The following EML5 variants were observed in gnomAD, a reference collection of about 807,000 sequenced individuals.
The protein encoded by EML5 is echinoderm microtubule-associated protein-like 5.
A neutral mutation model predicts 250.0 loss-of-function variants in EML5; 120 were observed. The ratio of observed to expected loss-of-function variants is 0.48; its 90% CI spans 0.41 to 0.56. The LOEUF is 0.56. Ranked by LOEUF, EML5 falls within the 20% of genes least tolerant of loss-of-function variation. EML5 has a pLI of 0.00. For missense variants in EML5, 2,006 were observed against 2,437.6 expected, an observed-to-expected ratio of 0.82 and a Z score of 3.73; for synonymous variants, 771 against 806.5, an observed-to-expected ratio of 0.96 and a Z score of 0.75.
intron 17 of EML5, among the ~76,000 whole-genome samples, chr14:88,692,731 A>C (rs777500376): frequency 1.1e-4 from 16 of 152,210 alleles, no homozygotes; most frequent in Non-Finnish European, 4.4e-5. Flanking sequence ...AAGCATGTGG[A>C]AACAAAATTA....
chr14:88,699,139 T>C (rs374725035), intron 14 of EML5, among the ~76,000 whole-genome samples: 3 of 152,134 alleles, frequency 2.0e-5, no homozygotes, highest in African/African-American at 7.2e-5. Context: ...AGTTCTCAGA[T>C]AGGCTTAGCC....
intron 32 of EML5, among the ~76,000 whole-genome samples, chr14:88,636,086 A>G (rs2090709114): frequency 6.6e-6 from 1 of 152,194 alleles, no homozygotes; most frequent in African/African-American, 2.4e-5. Flanking sequence ...TAGCTACTGC[A>G]TTAGAACTCC....
chr14:88,743,514 A>C (rs1370272259), intron 4 of EML5, among the ~76,000 whole-genome samples: 1 of 152,072 alleles, frequency 6.6e-6, no homozygotes, highest in Non-Finnish European at 1.5e-5. Context: ...TTGAATATAC[A>C]CTGCCGCCTT....
rs1197318654 is a variant in EML5, at chr14:88,724,236, C to G, written c.1187+2305G>C. The stretch of plus-strand genomic sequence containing the variant: ...GCTGCAGTGAGCCGAGATTGCGCCA[C>G]TGTACTCCAGCCTTGTGACAGAGCA... On this transcript the variant is annotated intron_variant, in intron 8 of 43. Transcript: ENST00000554922. Among the ~76,000 whole-genome samples, 12 of 145,558 alleles carry G rather than the reference C, an allele frequency of 8.2e-5. No individual in the cohort carries two copies. In the Admixed American group the frequency reaches 8.4e-4, roughly 10 times the overall value.
intron 8 of EML5, among the ~76,000 whole-genome samples, chr14:88,717,366 T>C (rs879515809): frequency 2.0e-5 from 3 of 152,066 alleles, no homozygotes; most frequent in Admixed American, 2.0e-4. Flanking sequence ...AATCATGAAG[T>C]GGGGGCCTCA....
intron 8 of EML5, among the ~76,000 whole-genome samples, chr14:88,716,680 GAGA>G (rs2093499278): frequency 2.6e-5 from 4 of 151,926 alleles, no homozygotes; most frequent in Admixed American, 2.0e-4. Flanking sequence ...CAATTAAGAA[GAGA>G]AGAACGTCTT....
chr14:88,720,881 C>T (rs750478520), intron 8 of EML5, among the ~76,000 whole-genome samples: 12 of 152,200 alleles, frequency 7.9e-5, no homozygotes, highest in Middle Eastern at 3.4e-3. Context: ...AAAACTCCAT[C>T]GTCTCAGCCC....
intron 7 of EML5, among the ~76,000 whole-genome samples, chr14:88,733,589 T>C (rs143362858): frequency 1.3e-5 from 2 of 152,340 alleles, no homozygotes; most frequent in South Asian, 2.1e-4. Flanking sequence ...GAAAGGATTA[T>C]GAATAGCTCC....
chr14:88,768,658 C>G (rs1432013067), intron 1 of EML5, among the ~76,000 whole-genome samples: 1 of 152,128 alleles, frequency 6.6e-6, no homozygotes, highest in Admixed American at 6.5e-5. Context: ...GTGACCCACC[C>G]GCCTGGGCCT....
chr14:88,665,482 C>A lies in EML5; in HGVS notation c.3132G>T (p.Arg1044Ser), dbSNP rs184616407. Residue 1044 changes from arginine (R) to serine (S), a missense_variant, in exon 22 of 44, where the codon AGG (arginine) becomes AGT (serine). Physicochemically the swap from Arg to Ser is moderately radical, Grantham distance 110 (BLOSUM62 -1). Coordinates refer to ENST00000554922, the MANE Select transcript of EML5 (RefSeq NM_183387.3). Reference sequence around the variant, plus strand: ...TACCATCAGGAGAAAAACAGCAACACCTCCCACCTGAAAGAGAAAGAGCAT... The same window carrying A: ...TACCATCAGGAGAAAAACAGCAACAACTCCCACCTGAAAGAGAAAGAGCAT... ...LAVRKLKKGG[R>S]CCCFSPDGKA... 2 of 1,613,710 alleles carry A rather than the reference C, an allele frequency of 1.2e-6. No individual in the cohort carries two copies. Among genetic ancestry groups the A allele is most frequent in the Non-Finnish European group, 8.5e-7 (1 of 1,179,838 alleles).
chr14:88,764,733 T>G (rs561652595), intron 1 of EML5, among the ~76,000 whole-genome samples: 2 of 152,242 alleles, frequency 1.3e-5, no homozygotes, highest in African/African-American at 2.4e-5. Flanking sequence ...CTTGAAACAC[T>G]GCTTTGGCTG....
At chr14:88,768,062 A>G (rs2094343273) in intron 1 of EML5, among the ~76,000 whole-genome samples, 1 of 152,182 alleles carries the variant, frequency 6.6e-6, no homozygotes, top group Admixed American at 6.5e-5. Flanking sequence ...CAGTTATTTT[A>G]GAAAATGTCT....
At chr14:88,711,210 T>C (rs2093400376) in intron 10 of EML5, among the ~76,000 whole-genome samples, 1 of 151,594 alleles carries the variant, frequency 6.6e-6, no homozygotes, top group Admixed American at 6.6e-5. Context: ...TCTTTTGATA[T>C]GGTTTGGCTC....
chr14:88,720,346 A>G (rs2093570877), intron 8 of EML5, among the ~76,000 whole-genome samples: 1 of 152,172 alleles, frequency 6.6e-6, no homozygotes, highest in African/African-American at 2.4e-5. Flanking sequence ...ACTTCAGGCC[A>G]GTATCCCTGA....
intron 4 of EML5, among the ~76,000 whole-genome samples, chr14:88,742,040 T>C (rs1176387706): frequency 1.3e-5 from 2 of 152,162 alleles, no homozygotes; most frequent in African/African-American, 2.4e-5. Flanking sequence ...TTCTTCTAGA[T>C]CAGTGATTCC....
At chr14:88,625,290 G>A (rs1427430183) in intron 35 of EML5, 163 bp from the exon 36 acceptor site, 20 of 722,084 alleles carry the variant, frequency 2.8e-5, no homozygotes, top group Non-Finnish European at 4.1e-5. Flanking sequence ...AAACCTGAAC[G>A]GGAGGCTTAG....
At chr14:88,773,102 C>CT (rs2094411046) in intron 1 of EML5, among the ~76,000 whole-genome samples, 1 of 152,182 alleles carries the variant, frequency 6.6e-6, no homozygotes, top group Non-Finnish European at 1.5e-5. Flanking sequence ...TTTACTTGAT[C>CT]TTTTAACAAT....
At chr14:88,790,839 CGGG>C (rs1432609628) in intron 1 of EML5, among the ~76,000 whole-genome samples, 2 of 152,114 alleles carry the variant, frequency 1.3e-5, no homozygotes, top group Non-Finnish European at 2.9e-5. Context: ...ATAATTACTA[CGGG>C]TTTACTTTAG....
At position 88,792,623 on chromosome 14, in the gene EML5, A is replaced by C. The variant is rs916817531; in HGVS notation, c.-120T>G. Reference sequence around the variant, plus strand: ...GACTTCCCGCCAGCCGCGTCCTCTAAGCCGCGCCCGTCAGGTGCATCTCGT... The same window carrying C: ...GACTTCCCGCCAGCCGCGTCCTCTACGCCGCGCCCGTCAGGTGCATCTCGT... On this transcript the variant is annotated 5_prime_UTR_variant, in exon 1 of 44. Transcript: ENST00000554922. The surrounding 1 kb of genome is among the most constrained non-coding windows in gnomAD (Gnocchi z 6.9). 13 of 1,151,390 alleles carry C rather than the reference A, an allele frequency of 1.1e-5. No individual in the cohort carries two copies. Among genetic ancestry groups the C allele is most frequent in the East Asian group, 8.5e-5 (2 of 23,638 alleles). 71.3% of individuals were successfully genotyped at this position (1,151,390 alleles called of 1,614,324 possible). A position where few individuals can be genotyped will look rare whatever the true frequency, so the allele number is the denominator to read the frequency against.
Sources: gnomAD v4.1 joint callset for allele counts (sites outside exome capture counted in the v4.1 genomes callset) on GRCh38, gnomAD v4.1.1 for gene constraint, Gnocchi (gnomAD v3.1) non-coding constraint, MANE v1.5 for transcripts, NCBI Gene and HGNC (gene_info 2026-07-23, HGNC 2026-07-21) for gene names.